The following TMEM132C variants were observed in gnomAD, a reference collection of about 807,000 sequenced individuals.
The protein encoded by TMEM132C is transmembrane protein 132C, also known as protein phosphatase 1, regulatory subunit 152.
TMEM132C carries 29 observed loss-of-function variants against 61.4 expected under a neutral mutation model. The observed-to-expected ratio is 0.47, with a 90% CI of 0.35 to 0.64. The LOEUF (loss-of-function observed/expected upper bound fraction) is 0.64, where lower values mean the gene tolerates loss of function less well. Among genes scored for constraint, TMEM132C ranks in the 30% least tolerant of loss-of-function variants. The pLI, the probability that TMEM132C is intolerant of heterozygous loss-of-function variation, is 0.00. For synonymous variants in TMEM132C, 656 were observed against 633.1 expected (o/e 1.04, Z -0.54); for missense variants, 1,408 against 1,476.9 (o/e 0.95, Z 0.76).
intron 2 of TMEM132C, among the ~76,000 whole-genome samples, chr12:128,467,222 G>A (rs1870764474): frequency 6.6e-6 from 1 of 152,180 alleles, no homozygotes. Flanking sequence ...TGTTGGGGTG[G>A]TTTCTTCACT....
chr12:128,542,563 C>T (rs1035538299), intron 2 of TMEM132C, among the ~76,000 whole-genome samples: 2 of 152,134 alleles, frequency 1.3e-5, no homozygotes, highest in African/African-American at 4.8e-5. Flanking sequence ...AGCTCAGCCT[C>T]CTAAACTGCT....
At position 128,415,091 on chromosome 12, in the gene TMEM132C, G is replaced by T. The variant is rs1439615962; in HGVS notation, c.445G>T (p.Val149Phe). The T allele has an allele frequency of 6.2e-7, 1 of 1,607,102 alleles. No individual in the cohort carries two copies. The highest frequency in any genetic ancestry group is 8.5e-7 in the Non-Finnish European group (1 of 1,176,720). The change falls in exon 2 of 9, where the codon GTT (valine) becomes TTT (phenylalanine). Residue 149 changes from valine to phenylalanine, a missense_variant. Val to Phe is a conservative substitution (Grantham distance 50, BLOSUM62 -1). Transcript: ENST00000435159. This position sits in a 1 kb window ranked among gnomAD's most constrained non-coding sequence, Gnocchi z 5.8. The stretch of plus-strand genomic sequence containing the variant: ...CTACCTGAGCCGGCCCAAAGTGCAG[G>T]TTCTTTTCCACATCATGGGCAGAGA... ...KVYLSRPKVQ[V>F]LFHIMGRDWD...
chr12:128,470,792 C>T (rs1222601487), intron 2 of TMEM132C, among the ~76,000 whole-genome samples: 1 of 152,128 alleles, frequency 6.6e-6, no homozygotes, highest in Non-Finnish European at 1.5e-5. Context: ...CTTTGCAAGC[C>T]AGGTGGCCTT....
intron 1 of TMEM132C, among the ~76,000 whole-genome samples, chr12:128,366,521 G>A (rs532088807): frequency 6.6e-6 from 1 of 152,252 alleles, no homozygotes; most frequent in South Asian, 2.1e-4. Flanking sequence ...GATCTCCGGT[G>A]GCCATCTGAC....
intron 3 of TMEM132C, among the ~76,000 whole-genome samples, chr12:128,593,044 TTC>T (rs1195053718): frequency 6.8e-6 from 1 of 146,358 alleles, no homozygotes; most frequent in Non-Finnish European, 1.5e-5. Flanking sequence ...TTCCTTTCTT[TTC>T]TCTCTGTCTT....
At chr12:128,356,998 T>TA (rs1313208376) in intron 1 of TMEM132C, among the ~76,000 whole-genome samples, 1 of 152,142 alleles carries the variant, frequency 6.6e-6, no homozygotes, top group Non-Finnish European at 1.5e-5. Flanking sequence ...CTCACACACA[T>TA]ACACACACAG....
intron 1 of TMEM132C, among the ~76,000 whole-genome samples, chr12:128,380,535 A>G (rs1031223537): frequency 2.0e-5 from 3 of 152,276 alleles, no homozygotes; most frequent in African/African-American, 7.2e-5. Context: ...GGGAAGTACA[A>G]TCCATTTTCA....
At chr12:128,619,898 C>A (rs1953945374) in intron 4 of TMEM132C, among the ~76,000 whole-genome samples, 1 of 152,184 alleles carries the variant, frequency 6.6e-6, no homozygotes, top group Admixed American at 6.5e-5. Flanking sequence ...GTGATAGTTT[C>A]TGTATGCGAG....
At chr12:128,515,319 G>A (rs1872683401) in intron 2 of TMEM132C, among the ~76,000 whole-genome samples, 1 of 152,200 alleles carries the variant, frequency 6.6e-6, no homozygotes, top group Non-Finnish European at 1.5e-5. Flanking sequence ...ATAATGGGAG[G>A]ATGTGATAGC....
At chr12:128,331,310 A>C (rs901902229) in intron 1 of TMEM132C, among the ~76,000 whole-genome samples, 1 of 152,228 alleles carries the variant, frequency 6.6e-6, no homozygotes, top group Non-Finnish European at 1.5e-5. Flanking sequence ...TAATTGTTTT[A>C]ATGTACAACT....
intron 1 of TMEM132C, among the ~76,000 whole-genome samples, chr12:128,410,273 C>G (rs1226104765): frequency 1.3e-5 from 2 of 152,126 alleles, no homozygotes; most frequent in Non-Finnish European, 2.9e-5. Context: ...TGACATTTGA[C>G]CATGTTTCCT....
intron 1 of TMEM132C, among the ~76,000 whole-genome samples, chr12:128,378,031 C>A (rs1000860583): frequency 3.3e-5 from 5 of 152,122 alleles, no homozygotes; most frequent in Non-Finnish European, 5.9e-5. Flanking sequence ...AGCCAGGAAC[C>A]CAAGCTGCCT....
chr12:128,510,494 C>T (rs568614564), intron 2 of TMEM132C, among the ~76,000 whole-genome samples: 89 of 152,304 alleles, frequency 5.8e-4, no homozygotes, highest in South Asian at 2.5e-3. Flanking sequence ...CTCTCAAGCC[C>T]GCACCTAGAA....
chr12:128,506,023 T>C (rs7310255), intron 2 of TMEM132C, among the ~76,000 whole-genome samples: 2,125 of 152,350 alleles, frequency 0.014, 34 homozygotes, highest in African/African-American at 0.044. Flanking sequence ...ATGGAGCATT[T>C]TGGGTTTTGT....
At chr12:128,418,013 G>A (rs1034685628) in intron 2 of TMEM132C, among the ~76,000 whole-genome samples, 7 of 152,090 alleles carry the variant, frequency 4.6e-5, no homozygotes, top group South Asian at 2.1e-4. Flanking sequence ...CGCAGCAGCC[G>A]TATTCCCTCC....
chr12:128,699,053 G>T (rs1416936649), intron 8 of TMEM132C, among the ~76,000 whole-genome samples: 3 of 152,156 alleles, frequency 2.0e-5, no homozygotes, highest in African/African-American at 7.2e-5. Context: ...CATAGTGCAG[G>T]ATTTCAGTGC....
At chr12:128,292,505 C>T (rs1871274472) in intron 1 of TMEM132C, among the ~76,000 whole-genome samples, 1 of 152,156 alleles carries the variant, frequency 6.6e-6, no homozygotes, top group African/African-American at 2.4e-5. Context: ...AGTACTGAAA[C>T]CCTGGTACCT....
chr12:128,506,898 A>G (rs7488305), intron 2 of TMEM132C, among the ~76,000 whole-genome samples: 75,720 of 151,894 alleles, frequency 0.5, 19,044 homozygotes, highest in East Asian at 0.58. Flanking sequence ...CTCAGACTCA[A>G]TTCTGAAACT....
chr12:128,489,724 T>A (rs1871646956), intron 2 of TMEM132C, among the ~76,000 whole-genome samples: 2 of 151,980 alleles, frequency 1.3e-5, no homozygotes, highest in South Asian at 4.2e-4. Context: ...ATATAAAAAA[T>A]TTCACATGCC....
Sources: allele counts gnomAD v4.1 joint callset (sites outside exome capture counted in the v4.1 genomes callset), GRCh38; gene constraint gnomAD v4.1.1; non-coding constraint Gnocchi (gnomAD v3.1); transcripts MANE v1.5; gene names NCBI Gene and HGNC (gene_info 2026-07-23, HGNC 2026-07-21).